SPTBN1: variants seen among roughly 807,000 people sequenced by gnomAD.
The protein encoded by SPTBN1 is spectrin beta, non-erythrocytic 1, also known as spectrin beta chain, non-erythrocytic 1.
Under a neutral mutation model 266.4 loss-of-function variants are expected in SPTBN1, and 32 were observed. That is an observed-to-expected ratio of 0.12 (90% CI 0.09 to 0.16). The LOEUF is 0.16. Among genes scored for constraint, SPTBN1 ranks in the 10% least tolerant of loss-of-function variants. The pLI is 1.00. For missense variants in SPTBN1, 2,296 were observed against 3,067.1 expected (o/e 0.75, Z 5.94); for synonymous variants, 1,336 against 1,162.2 (o/e 1.15, Z -3.04).
chr2:54,548,964 C>T (rs1433819790), intron 2 of SPTBN1, among the ~76,000 whole-genome samples: 3 of 152,072 alleles, frequency 2.0e-5, no homozygotes, highest in African/African-American at 7.2e-5. Flanking sequence ...TTTAACTGTT[C>T]CTTAAAGATA....
At position 54,632,604 on chromosome 2, in the gene SPTBN1, G is replaced by A. The variant is rs879216166; in HGVS notation, c.3603G>A (p.Leu1201=). The change falls in exon 17 of 36, where the codon TTG becomes TTA. Residue 1201 remains leucine (L), a synonymous_variant. Transcript: ENST00000356805. Reference sequence around the variant, plus strand: ...CTCACACTGAAATGCCTACCACCTTGGAAGGAGCTGAAGCAGCAATTAAAA... The same window carrying A: ...CTCACACTGAAATGCCTACCACCTTAGAAGGAGCTGAAGCAGCAATTAAAA... ...VLAHTEMPTT[L]EGAEAAIKKQ... The A allele has an allele frequency of 6.2e-7, 1 of 1,614,076 alleles. No individual in the cohort carries two copies. The highest frequency in any genetic ancestry group is 1.3e-5 in the African/African-American group (1 of 74,916).
At position 54,645,405 on chromosome 2, in the gene SPTBN1, G is replaced by A. The variant is rs773935320; in HGVS notation, c.4446G>A (p.Leu1482=). The change falls in exon 21 of 36, where the codon CTG becomes CTA. Residue 1482 remains leucine (L), a synonymous_variant. Coordinates refer to ENST00000356805, the MANE Select transcript of SPTBN1 (RefSeq NM_003128.3). The surrounding 1 kb of genome is among the most constrained non-coding windows in gnomAD (Gnocchi z 4.3). ...EPLNERKHNL[L]ASKEIHQFNR... ...TGAACGAGAGGAAGCATAACCTGCT[G>A]GCCTCCAAAGAGATCCATCAGTTCA... 6.2e-7 allele frequency: 1 copy of A among 1,614,164 alleles called. No individual in the cohort carries two copies. Among genetic ancestry groups the A allele is most frequent in the Non-Finnish European group, 8.5e-7 (1 of 1,180,030 alleles).
intron 1 of SPTBN1, among the ~76,000 whole-genome samples, chr2:54,460,386 C>G (rs4671934): frequency 0.39 from 58,704 of 151,908 alleles, 12,112 homozygotes; most frequent in Non-Finnish European, 0.44. Flanking sequence ...TTCTTTAATT[C>G]TTGGTGGAAG....
chr2:54,550,948 CCTCACCT>C (rs1251177766), intron 2 of SPTBN1, among the ~76,000 whole-genome samples: 1 of 152,118 alleles, frequency 6.6e-6, no homozygotes, highest in Non-Finnish European at 1.5e-5. Context: ...TTTGCATGTC[CCTCACCT>C]TTCTCTTTTC....
intron 29 of SPTBN1, among the ~76,000 whole-genome samples, chr2:54,657,338 G>A: frequency 6.6e-6 from 1 of 151,368 alleles, no homozygotes; most frequent in East Asian, 1.9e-4. Context: ...CGTGTAGATT[G>A]TGAATTCCTG....
At chr2:54,610,931 G>C (rs1677164925) in intron 3 of SPTBN1, among the ~76,000 whole-genome samples, 1 of 152,228 alleles carries the variant, frequency 6.6e-6, no homozygotes, top group Admixed American at 6.5e-5. Flanking sequence ...ACCACGTGGA[G>C]ATGATTAGCA....
At chr2:54,483,812 G>C (rs1267824429) in intron 1 of SPTBN1, among the ~76,000 whole-genome samples, 1 of 152,182 alleles carries the variant, frequency 6.6e-6, no homozygotes, top group Non-Finnish European at 1.5e-5. Flanking sequence ...TTAAACCAGG[G>C]TGAAGTTTAA....
intron 32 of SPTBN1, chr2:54,661,491 T>C: frequency 1.0e-6 from 1 of 985,884 alleles, no homozygotes; most frequent in South Asian, 4.7e-5. Flanking sequence ...TTGTTTTTCC[T>C]TATCTCTATG....
intron 10 of SPTBN1, among the ~76,000 whole-genome samples, chr2:54,624,101 T>G (rs779243988): frequency 6.6e-6 from 1 of 152,224 alleles, no homozygotes; most frequent in African/African-American, 2.4e-5. Context: ...TCTAGAACTT[T>G]GGTCACTTGT....
chr2:54,658,261 G>A (rs1182373001), intron 30 of SPTBN1, among the ~76,000 whole-genome samples: 11 of 152,180 alleles, frequency 7.2e-5, no homozygotes, highest in Non-Finnish European at 1.3e-4. Context: ...TGGGCACCTG[G>A]ATTTATGATC....
intron 2 of SPTBN1, among the ~76,000 whole-genome samples, chr2:54,582,776 G>A (rs1335386675): frequency 6.6e-6 from 1 of 152,150 alleles, no homozygotes; most frequent in Non-Finnish European, 1.5e-5. Flanking sequence ...AAAGGTCCTT[G>A]CTAATGTAGA....
intron 2 of SPTBN1, among the ~76,000 whole-genome samples, chr2:54,575,210 A>AT (rs1558858508): frequency 6.6e-6 from 1 of 152,244 alleles, no homozygotes; most frequent in East Asian, 1.9e-4. Flanking sequence ...ATTCTTGGAG[A>AT]TTCAGCCACA....
At chr2:54,481,415 TG>T (rs747933622) in intron 1 of SPTBN1, among the ~76,000 whole-genome samples, 9,619 of 150,878 alleles carry the variant, frequency 0.064, 559 homozygotes, top group Admixed American at 0.13. Context: ...TGTGTGTGTG[TG>T]TGTGTGTGTG....
chr2:54,621,361 G>A (rs1677984037), intron 7 of SPTBN1, 39 bp from the exon 8 acceptor site: 1 of 1,503,198 alleles, frequency 6.7e-7, no homozygotes, highest in South Asian at 1.1e-5. Flanking sequence ...GGGCACAGTA[G>A]CATGCAACAC....
rs1681654251 is a variant in SPTBN1, at chr2:54,670,653, C to T, written c.*2084C>T. 2.5e-6 allele frequency: 1 copy of T among 398,670 alleles called. No homozygotes were observed. The highest frequency in any genetic ancestry group is 4.4e-6 in the Non-Finnish European group (1 of 226,074). 24.7% of individuals were successfully genotyped at this position (398,670 alleles called of 1,614,324 possible). ...TTACAGTCTTGTACTCTTGACAAAG[C>T]TGTGCAGATGGCAATAAGTTCATAC... On this transcript the variant is annotated 3_prime_UTR_variant, in exon 36 of 36. Coordinates refer to ENST00000356805, the MANE Select transcript of SPTBN1 (RefSeq NM_003128.3).
chr2:54,614,911 G>A (rs76798858), intron 4 of SPTBN1, among the ~76,000 whole-genome samples: 5,211 of 152,166 alleles, frequency 0.034, 279 homozygotes, highest in African/African-American at 0.11. Context: ...TTCCATATGG[G>A]CAAATCTGGA....
At chr2:54,599,701 A>G (rs959609328) in intron 3 of SPTBN1, among the ~76,000 whole-genome samples, 6 of 152,124 alleles carry the variant, frequency 3.9e-5, no homozygotes, top group Admixed American at 1.3e-4. Flanking sequence ...TCTTCCCTGC[A>G]CGCTTTTTAT....
intron 1 of SPTBN1, among the ~76,000 whole-genome samples, chr2:54,486,752 A>G (rs1441470152): frequency 6.6e-6 from 1 of 152,066 alleles, no homozygotes; most frequent in Non-Finnish European, 1.5e-5. Context: ...AAAAAAAAGA[A>G]AATCTAAGTT....
At chr2:54,514,460 G>C (rs1670012408) in intron 1 of SPTBN1, among the ~76,000 whole-genome samples, 1 of 152,190 alleles carries the variant, frequency 6.6e-6, no homozygotes, top group Non-Finnish European at 1.5e-5. Flanking sequence ...TCACCTTCCA[G>C]TGGCGTTTTC....
Sources: gnomAD v4.1 joint callset for allele counts (sites outside exome capture counted in the v4.1 genomes callset) on GRCh38, gnomAD v4.1.1 for gene constraint, Gnocchi (gnomAD v3.1) non-coding constraint, MANE v1.5 for transcripts, NCBI Gene and HGNC (gene_info 2026-07-23, HGNC 2026-07-21) for gene names.